MSH3: variants seen among roughly 807,000 people sequenced by gnomAD.
MSH3 encodes mutS homolog 3, also known as DNA mismatch repair protein Msh3.
In MSH3, 106 loss-of-function variants were observed where a neutral mutation model predicts 123.3. The observed-to-expected ratio is 0.86, with a 90% CI of 0.73 to 1.01. MSH3 has a LOEUF of 1.01. Among genes scored for constraint, MSH3 ranks in the 50% least tolerant of loss-of-function variants. The probability of loss-of-function intolerance (pLI) is 0.00; values close to 1 mark genes in which losing one functional copy is unlikely to be tolerated. For missense variants in MSH3, 1,459 were observed against 1,347.6 expected, an observed-to-expected ratio of 1.08 and a Z score of -1.29; for synonymous variants, 515 against 481.4, an observed-to-expected ratio of 1.07 and a Z score of -0.91.
chr5:80,818,402 C>CAAAAAAAA (rs71603566), intron 20 of MSH3, among the ~76,000 whole-genome samples: 7 of 63,748 alleles, frequency 1.1e-4, no homozygotes, highest in East Asian at 5.4e-4. Context: ...ATAGCAATGA[C>CAAAAAAAA]AAAAAAAAAA....
chr5:80,843,006 G>T (rs1376099962), intron 20 of MSH3, among the ~76,000 whole-genome samples: 1 of 152,094 alleles, frequency 6.6e-6, no homozygotes, highest in Non-Finnish European at 1.5e-5. Flanking sequence ...AATGCTTCCA[G>T]TTTTTCCCAT....
At chr5:80,722,248 G>C (rs780474533) in intron 8 of MSH3, among the ~76,000 whole-genome samples, 3 of 152,138 alleles carry the variant, frequency 2.0e-5, no homozygotes, top group Non-Finnish European at 2.9e-5. Flanking sequence ...TGGTGCTGGG[G>C]ATGGTTTCAA....
At chr5:80,665,420 C>G in intron 3 of MSH3, 57 bp downstream of exon 3, 1 of 1,324,134 alleles carries the variant, frequency 7.6e-7, no homozygotes, top group Non-Finnish European at 1.1e-6. Flanking sequence ...TTCTGAAGTA[C>G]TGTCAGGTTC....
intron 8 of MSH3, among the ~76,000 whole-genome samples, chr5:80,686,076 T>A (rs1232704321): frequency 6.6e-6 from 1 of 152,222 alleles, no homozygotes; most frequent in Non-Finnish European, 1.5e-5. Flanking sequence ...ACATATGATC[T>A]AATCTCGAGA....
At chr5:80,830,585 A>G (rs942211896) in intron 20 of MSH3, among the ~76,000 whole-genome samples, 2 of 152,216 alleles carry the variant, frequency 1.3e-5, no homozygotes, top group Non-Finnish European at 2.9e-5. Context: ...TTTCCTAGCT[A>G]TAGTTAACAT....
intron 21 of MSH3, among the ~76,000 whole-genome samples, chr5:80,862,941 C>G (rs1487489833): frequency 6.6e-6 from 1 of 152,092 alleles, no homozygotes; most frequent in Admixed American, 6.5e-5. Flanking sequence ...CAGCAATGAT[C>G]AATAGATTAT....
chr5:80,677,319 T>C (rs1438569677), intron 7 of MSH3, among the ~76,000 whole-genome samples: 2 of 152,144 alleles, frequency 1.3e-5, no homozygotes, highest in East Asian at 1.9e-4. Flanking sequence ...TTATACACAC[T>C]GATTTTAGGT....
At chr5:80,772,896 C>G (rs1744236105) in intron 15 of MSH3, among the ~76,000 whole-genome samples, 1 of 152,178 alleles carries the variant, frequency 6.6e-6, no homozygotes, top group African/African-American at 2.4e-5. Context: ...GGACCAGACC[C>G]TGTCTGAGGA....
At chr5:80,672,919 T>C (rs575674036) in intron 6 of MSH3, 61 bp downstream of exon 6, 1 of 1,207,332 alleles carries the variant, frequency 8.3e-7, no homozygotes, top group East Asian at 2.4e-5. Context: ...TGGCAGGTTT[T>C]GTTTGTTTGT....
At chr5:80,727,306 G>T (rs1470834150) in intron 9 of MSH3, among the ~76,000 whole-genome samples, 3 of 152,188 alleles carry the variant, frequency 2.0e-5, no homozygotes, top group Non-Finnish European at 4.4e-5. Context: ...CAGTGGAACG[G>T]AAAGGTGTTG....
chr5:80,733,740 A>G (rs139912859), intron 10 of MSH3, among the ~76,000 whole-genome samples: 1 of 152,300 alleles, frequency 6.6e-6, no homozygotes, highest in African/African-American at 2.4e-5. Context: ...ATCATTAAGC[A>G]TCAGGTAAAT....
intron 13 of MSH3, among the ~76,000 whole-genome samples, chr5:80,764,711 A>G (rs935032120): frequency 3.3e-5 from 5 of 152,094 alleles, no homozygotes; most frequent in Admixed American, 3.3e-4. Flanking sequence ...CAAATCCTGT[A>G]AATAGTGCTA....
intron 9 of MSH3, among the ~76,000 whole-genome samples, chr5:80,726,921 C>G (rs758727809): frequency 5.3e-5 from 8 of 152,202 alleles, no homozygotes; most frequent in Non-Finnish European, 8.8e-5. Context: ...ACCTTACAAG[C>G]AGAGCATGTG....
chr5:80,662,080 A>G (rs963550631), intron 2 of MSH3, among the ~76,000 whole-genome samples: 7 of 152,238 alleles, frequency 4.6e-5, no homozygotes, highest in Non-Finnish European at 8.8e-5. Flanking sequence ...CCTATACAAC[A>G]TTAATCTCAT....
intron 3 of MSH3, 133 bp from the exon 4 acceptor site, chr5:80,669,964 A>T: frequency 1.2e-6 from 1 of 816,378 alleles, no homozygotes; most frequent in Non-Finnish European, 2.0e-6. Context: ...CCGGAATGCT[A>T]CAATGTGCTT....
At chr5:80,820,181 A>G (rs1287510966) in intron 20 of MSH3, among the ~76,000 whole-genome samples, 3 of 152,242 alleles carry the variant, frequency 2.0e-5, no homozygotes, top group African/African-American at 4.8e-5. Context: ...TAAAACATCA[A>G]TGCCCAATAC....
chr5:80,778,296 T>C (rs561936140), intron 16 of MSH3, among the ~76,000 whole-genome samples: 39 of 152,338 alleles, frequency 2.6e-4, no homozygotes, highest in African/African-American at 8.7e-4. Context: ...CTTTTTTCAC[T>C]GAAATACTTC....
chr5:80,688,030 T>C (rs1018328680), intron 8 of MSH3, among the ~76,000 whole-genome samples: 6 of 152,174 alleles, frequency 3.9e-5, no homozygotes, highest in Admixed American at 1.3e-4. Context: ...ACACGTGGTA[T>C]AACCAATGAT....
At chr5:80,833,073 A>G (rs1745447161) in intron 20 of MSH3, among the ~76,000 whole-genome samples, 1 of 152,196 alleles carries the variant, frequency 6.6e-6, no homozygotes, top group African/African-American at 2.4e-5. Flanking sequence ...CCAAAAAAGT[A>G]CTAATTTCTT....
Sources: allele counts gnomAD v4.1 joint callset (sites outside exome capture counted in the v4.1 genomes callset), GRCh38; gene constraint gnomAD v4.1.1; transcripts MANE v1.5; gene names NCBI Gene and HGNC (gene_info 2026-07-23, HGNC 2026-07-21).